The following ZKSCAN8 variants were observed in gnomAD, a reference collection of about 807,000 sequenced individuals.
ZKSCAN8 encodes zinc finger with KRAB and SCAN domains 8.
A neutral mutation model predicts 57.2 loss-of-function variants in ZKSCAN8; 27 were observed. The observed-to-expected ratio is 0.47, with a 90% CI of 0.35 to 0.65. The LOEUF is 0.65. ZKSCAN8 is among the 30% of genes least tolerant of loss of function. ZKSCAN8 has a pLI of 0.01. For synonymous variants in ZKSCAN8, 214 were observed against 248.7 expected (o/e 0.86, Z 1.31); for missense variants, 597 against 696.3 (o/e 0.86, Z 1.60).
Position 28,156,482 on chromosome 6 carries a change from C to A in ZKSCAN8, c.*2465C>A, listed in dbSNP as rs1191446101. On this transcript the variant is annotated 3_prime_UTR_variant, in exon 6 of 6. Transcript: ENST00000330236. ...TATTGGGTGTGAGAAAAGACTGTGT[C>A]TTGAAAGAATTATCAAAGCTGATAC... is the stretch of plus-strand genomic sequence containing the variant. 2 of 332,802 alleles carry A rather than the reference C, an allele frequency of 6.0e-6. No homozygotes were observed. The highest frequency in any genetic ancestry group is 9.6e-5 in the Admixed American group (2 of 20,742). 20.6% of individuals were successfully genotyped at this position (332,802 alleles called of 1,614,324 possible).
Position 28,149,553 on chromosome 6 carries a change from C to T in ZKSCAN8, c.488C>T (p.Pro163Leu), listed in dbSNP as rs62620225. The T allele has an allele frequency of 0.04, 64,116 of 1,613,920 alleles. 1,463 individuals are homozygous for T. Among genetic ancestry groups the T allele is most frequent in the South Asian group, 0.059 (5,354 of 91,028 alleles). ...GTACATTCAGCATCTGCACCAGAGC[C>T]TCCAAATACTCAGCTCCAATCTGAG... Reference protein sequence around the residue: ...EVVHSASAPEPPNTQLQSEAT... With the variant: ...EVVHSASAPELPNTQLQSEAT... Residue 163 changes from proline to leucine, a missense_variant, in exon 3 of 6, where the codon CCT becomes CTT. Pro to Leu is a moderately conservative substitution (Grantham distance 98). Coordinates refer to ENST00000330236, the MANE Select transcript of ZKSCAN8 (RefSeq NM_006298.4).
In ZKSCAN8 at chr6:28,158,603, G is replaced by C. The variant is rs187295710; in HGVS notation, c.*4586G>C. The C allele has an allele frequency of 1.3e-5, 2 of 152,248 alleles. No homozygotes were observed. Among genetic ancestry groups the C allele is most frequent in the East Asian group, 3.9e-4 (2 of 5,184 alleles). 9.4% of individuals were successfully genotyped at this position (152,248 alleles called of 1,614,324 possible). The stretch of plus-strand genomic sequence containing the variant: ...CTCCATGTCCAAAAACTTGCTGTCA[G>C]TCCAGTTTTTAATCAGTTTTCTCCT... On this transcript the variant is annotated 3_prime_UTR_variant, in exon 6 of 6. Transcript: ENST00000330236.
Position 28,156,108 on chromosome 6 carries a change from G to A in ZKSCAN8, c.*2091G>A. The A allele has an allele frequency of 2.5e-6, 1 of 398,300 alleles. No homozygotes were observed. Among genetic ancestry groups the A allele is most frequent in the Non-Finnish European group, 4.4e-6 (1 of 225,870 alleles). 24.7% of individuals were successfully genotyped at this position (398,300 alleles called of 1,614,324 possible). On this transcript the variant is annotated 3_prime_UTR_variant, in exon 6 of 6. Coordinates refer to ENST00000330236, the MANE Select transcript of ZKSCAN8 (RefSeq NM_006298.4). ...TCCTGGGGCCAGTATTACCTTGTAT[G>A]CAAATATTACATATGATGGGTGCAT...
intron 1 of ZKSCAN8, among the ~76,000 whole-genome samples, chr6:28,142,832 T>G (rs1765262858): frequency 6.6e-6 from 1 of 152,236 alleles, no homozygotes; most frequent in Non-Finnish European, 1.5e-5. Flanking sequence ...AGATGTTAAT[T>G]AAAACTTTCA....
At chr6:28,152,038 C>G (rs931871085) in intron 4 of ZKSCAN8, 102 bp downstream of exon 4, 1 of 1,425,936 alleles carries the variant, frequency 7.0e-7, no homozygotes, top group Non-Finnish European at 9.6e-7. Context: ...AGTACCTACC[C>G]AAAAAGTTGT....
rs147791414 is a variant in ZKSCAN8, at chr6:28,158,909, C to A, written c.*4892C>A. 21 of 152,210 alleles carry A rather than the reference C, an allele frequency of 1.4e-4. No homozygotes were observed. The East Asian group carries it at 4.1e-3, about 29-fold the overall frequency. 9.4% of individuals were successfully genotyped at this position (152,210 alleles called of 1,614,324 possible). ...GTAAAATTTCATTTTCACTAAGTAACACCCAGTAGATAATTCCTATGGAGC... is the reference window on the plus strand; with the variant it reads ...GTAAAATTTCATTTTCACTAAGTAAAACCCAGTAGATAATTCCTATGGAGC... On this transcript the variant is annotated 3_prime_UTR_variant, in exon 6 of 6. Coordinates refer to ENST00000330236, the MANE Select transcript of ZKSCAN8 (RefSeq NM_006298.4).
rs765291585 is a variant in ZKSCAN8 at position 28,151,948 on chromosome 6, T to C, written c.651+12T>C. On this transcript the variant is annotated intron_variant, in intron 4 of 5. Transcript: ENST00000330236. ...CAGCAGGGTTCCAGGTGAGTTGTGC[T>C]CCTTCTCACTGAAACGCCATAGCTG... The C allele has an allele frequency of 1.2e-5, 20 of 1,612,734 alleles. No individual in the cohort carries two copies. The highest frequency in any genetic ancestry group is 3.4e-6 in the Non-Finnish European group (4 of 1,178,830).
chr6:28,147,548 T>A (rs916818089), intron 1 of ZKSCAN8, among the ~76,000 whole-genome samples: 3 of 152,210 alleles, frequency 2.0e-5, no homozygotes, highest in Non-Finnish European at 2.9e-5. Flanking sequence ...GTGGCTTTAT[T>A]CATAGTGATT....
intron 4 of ZKSCAN8, 132 bp from the exon 5 acceptor site, chr6:28,152,129 C>G (rs567991606): frequency 1.4e-6 from 2 of 1,418,936 alleles, no homozygotes; most frequent in East Asian, 4.6e-5. Context: ...TTCTTCCTAG[C>G]TATTCAGATC....
At chr6:28,151,728 A>G in intron 3 of ZKSCAN8, 117 bp from the exon 4 acceptor site, 1 of 827,380 alleles carries the variant, frequency 1.2e-6, no homozygotes, top group East Asian at 2.5e-5. Context: ...TTCATGTGCA[A>G]AATCTTTGGC....
rs1292676906 is a variant in ZKSCAN8, at chr6:28,154,179, A to C, written c.*162A>C. 1 of 1,036,778 alleles carries C rather than the reference A, an allele frequency of 9.6e-7. No homozygotes were observed. Among genetic ancestry groups the C allele is most frequent in the Admixed American group, 2.7e-5 (1 of 37,256 alleles). 64.2% of individuals were successfully genotyped at this position (1,036,778 alleles called of 1,614,324 possible). A position where few individuals can be genotyped will look rare whatever the true frequency, so the allele number is the denominator to read the frequency against. On this transcript the variant is annotated 3_prime_UTR_variant, in exon 6 of 6. Coordinates refer to ENST00000330236, the MANE Select transcript of ZKSCAN8 (RefSeq NM_006298.4). ...GATAGCTCTTTAGTAATTTGGGCCC[A>C]GTGCCTTGGTGAAGGTTGATTAGCT...
In ZKSCAN8 at chr6:28,148,440, A is replaced by G. The variant is rs749096573; in HGVS notation, c.33A>G (p.Pro11=). 2 of 1,613,988 alleles carry G rather than the reference A, an allele frequency of 1.2e-6. No homozygotes were observed. The highest frequency in any genetic ancestry group is 1.3e-5 in the African/African-American group (1 of 74,914). The change falls in exon 2 of 6, where the codon CCA becomes CCG. Residue 11 remains proline, a synonymous_variant. Coordinates refer to ENST00000330236, the MANE Select transcript of ZKSCAN8 (RefSeq NM_006298.4). MAEESRKPSA[P]SPPDQTPEED... is the part of the protein sequence containing the mutation. ...AAGAATCAAGAAAGCCTTCAGCCCCATCCCCACCAGACCAGACTCCTGAAG... is the reference window on the plus strand; with the variant it reads ...AAGAATCAAGAAAGCCTTCAGCCCCGTCCCCACCAGACCAGACTCCTGAAG...
rs1765862312 is a variant in ZKSCAN8, at chr6:28,158,541, A to ACC, written c.*4527_*4528dup. 6.6e-6 allele frequency: 1 copy of ACC among 151,796 alleles called. No homozygotes were observed. 9.4% of individuals were successfully genotyped at this position (151,796 alleles called of 1,614,324 possible). A position where few individuals can be genotyped will look rare whatever the true frequency, so the allele number is the denominator to read the frequency against. On this transcript the variant is annotated 3_prime_UTR_variant, in exon 6 of 6. Coordinates refer to ENST00000330236, the MANE Select transcript of ZKSCAN8 (RefSeq NM_006298.4). ...AAAGTGTCACCACCTTTATATTTTT[A>ACC]CCCCAGCCTTGGAGTTATCTTTTTC... is the stretch of plus-strand genomic sequence containing the variant.
rs546018591 is a variant in ZKSCAN8, at chr6:28,155,935, C to T, written c.*1918C>T. On this transcript the variant is annotated 3_prime_UTR_variant, in exon 6 of 6. Coordinates refer to ENST00000330236, the MANE Select transcript of ZKSCAN8 (RefSeq NM_006298.4). ...ATTATCCTTTATTTTCTTATCCTCC[C>T]TTCTCTTGTTTCTTTTATTTATAAG... 523 of 389,746 alleles carry T rather than the reference C, an allele frequency of 1.3e-3. 3 individuals are homozygous for T. Among genetic ancestry groups the T allele is most frequent in the African/African-American group, 9.5e-3 (461 of 48,530 alleles). The allele number at this position is 389,746 out of a possible 1,614,324, so 24.1% of individuals were successfully genotyped here.
Position 28,153,183 on chromosome 6 carries a change from AGCCC to A in ZKSCAN8, c.905_908del (p.Ala302GlufsTer7). ...TTATCAGGGGTCTTGAGCATGAAGA[AGCCC>A]GAGACCTTCTGGGCAGATTAGAGAG... On this transcript the variant is annotated frameshift_variant, in exon 6 of 6. Transcript: ENST00000330236. LOFTEE classifies it high-confidence loss of function. 3 of 1,614,206 alleles carry A rather than the reference AGCCC, an allele frequency of 1.9e-6. No individual in the cohort carries two copies. The highest frequency in any genetic ancestry group is 2.5e-6 in the Non-Finnish European group (3 of 1,180,036).
chr6:28,153,673 G>T lies in ZKSCAN8; in HGVS notation c.1393G>T (p.Asp465Tyr). The T allele has an allele frequency of 1.2e-6, 2 of 1,612,498 alleles. No individual in the cohort carries two copies. The highest frequency in any genetic ancestry group is 1.7e-6 in the Non-Finnish European group (2 of 1,179,656). Residue 465 changes from aspartate to tyrosine, a missense_variant, in exon 6 of 6, where the codon GAT becomes TAT. Coordinates refer to ENST00000330236, the MANE Select transcript of ZKSCAN8 (RefSeq NM_006298.4). ...CACTGGGGAGAAGCCCTATGAGTGT[G>T]ATGAGTGTGGGAAAACCTTCAGGCG... ...IHTGEKPYECDECGKTFRRSS... is the reference protein window; with the variant it reads ...IHTGEKPYECYECGKTFRRSS...
At chr6:28,147,557 T>TA (rs1340747950) in intron 1 of ZKSCAN8, among the ~76,000 whole-genome samples, 10 of 152,042 alleles carry the variant, frequency 6.6e-5, no homozygotes, top group African/African-American at 2.2e-4. Context: ...TTCATAGTGA[T>TA]TAAAAAACAA....
chr6:28,143,744 A>G (rs1191825601), intron 1 of ZKSCAN8, among the ~76,000 whole-genome samples: 1 of 152,212 alleles, frequency 6.6e-6, no homozygotes, highest in African/African-American at 2.4e-5. Context: ...TTTATGTCCC[A>G]TGTATTGACC....
chr6:28,149,506 T>G lies in ZKSCAN8; in HGVS notation c.441T>G (p.His147Gln). The G allele has an allele frequency of 1.2e-6, 2 of 1,614,132 alleles. No individual in the cohort carries two copies. The highest frequency in any genetic ancestry group is 1.7e-6 in the Non-Finnish European group (2 of 1,180,000). The part of the protein sequence containing the change: ...GRPVSARVHG[H>Q]RVLWEEVVHS... ...AGGTCTCAGCTCGCGTACATGGACA[T>G]AGGGTACTCTGGGAGGAGGTAGTAC... is the stretch of plus-strand genomic sequence containing the variant. The change falls in exon 3 of 6, where the codon CAT becomes CAG. Residue 147 changes from histidine (H) to glutamine (Q), a missense_variant. Transcript: ENST00000330236.
Sources: allele counts gnomAD v4.1 joint callset (sites outside exome capture counted in the v4.1 genomes callset), GRCh38; gene constraint gnomAD v4.1.1; transcripts MANE v1.5; gene names NCBI Gene and HGNC (gene_info 2026-07-23, HGNC 2026-07-21).